SSC5D: variants seen among roughly 807,000 people sequenced by gnomAD.
The protein encoded by SSC5D is soluble scavenger receptor cysteine-rich domain-containing protein SSC5D.
Under a neutral mutation model 104.6 loss-of-function variants are expected in SSC5D, and 106 were observed. The observed-to-expected ratio is 1.01, with a 90% CI of 0.87 to 1.19. The LOEUF is 1.19. Among genes scored for constraint, SSC5D ranks in the 50% most tolerant of loss-of-function variants. The pLI is 0.00. For synonymous variants in SSC5D, 860 were observed against 883.5 expected (o/e 0.97, Z 0.47); for missense variants, 1,993 against 2,153.8 (o/e 0.93, Z 1.48).
At chr19:55,511,015 G>T (rs1246161746) in intron 12 of SSC5D, among the ~76,000 whole-genome samples, 1 of 152,078 alleles carries the variant, frequency 6.6e-6, no homozygotes, top group East Asian at 1.9e-4. Context: ...CTGACCTCAG[G>T]TGATCTGCCT....
rs1268620517 is a variant in SSC5D, at chr19:55,498,076, C to T, written c.1584C>T (p.Gly528=). Residue 528 remains glycine, a synonymous_variant, in exon 9 of 14, where the codon GGC becomes GGT. Transcript: ENST00000389623. ...CTGGCCGCTTTGGCTGGGGTGCGGG[C>T]CCCATCTGGCTAGATGATGTGGGCT... ...PAAGRFGWGA[G]PIWLDDVGCV... is the part of the protein sequence containing the mutation. 1 of 1,551,490 alleles carries T rather than the reference C, an allele frequency of 6.4e-7. No individual in the cohort carries two copies. The highest frequency in any genetic ancestry group is 8.7e-7 in the Non-Finnish European group (1 of 1,146,962).
intron 7 of SSC5D, 60 bp downstream of exon 7, chr19:55,493,972 C>G: frequency 5.6e-6 from 1 of 180,124 alleles, no homozygotes; most frequent in Non-Finnish European, 7.6e-6. Context: ...AGCGGAGGGG[C>G]AAGTTCGGCG....
In SSC5D at chr19:55,498,156, A is replaced by T; in HGVS notation, c.1664A>T (p.His555Leu). ...SDCPAAPWGK[H>L]NCAHNEDVGV... is the part of the protein sequence containing the mutation. The stretch of plus-strand genomic sequence containing the variant: ...TGCCCTGCTGCTCCCTGGGGAAAGC[A>T]CAACTGCGCTCACAATGAGGATGTT... The change falls in exon 9 of 14, where the codon CAC (histidine) becomes CTC (leucine). Residue 555 changes from histidine to leucine, a missense_variant. This residue lies in a region of SSC5D where 1,101 missense variants were observed against 1,085.0 expected (regional missense o/e 1.01). Coordinates refer to ENST00000389623, the MANE Select transcript of SSC5D (RefSeq NM_001144950.2). 1 of 1,551,748 alleles carries T rather than the reference A, an allele frequency of 6.4e-7. No individual in the cohort carries two copies. Among genetic ancestry groups the T allele is most frequent in the Non-Finnish European group, 8.7e-7 (1 of 1,146,998 alleles).
intron 12 of SSC5D, among the ~76,000 whole-genome samples, chr19:55,511,456 G>A (rs927953920): frequency 6.6e-6 from 1 of 152,162 alleles, no homozygotes. Context: ...AAGGGAATTC[G>A]GGGTGGGGGC....
At chr19:55,505,478 G>C (rs542517574) in intron 12 of SSC5D, among the ~76,000 whole-genome samples, 1 of 151,928 alleles carries the variant, frequency 6.6e-6, no homozygotes, top group Admixed American at 6.5e-5. Flanking sequence ...AAACAACGCA[G>C]ACTTATTATT....
At chr19:55,496,750 CTTTTTTTTTT>C (rs34304244) in intron 8 of SSC5D, among the ~76,000 whole-genome samples, 2 of 139,804 alleles carry the variant, frequency 1.4e-5, no homozygotes, top group African/African-American at 5.3e-5. Flanking sequence ...TTTTACCAGT[CTTTTTTTTTT>C]TTTTTTTTTA....
rs907795199 is a variant in SSC5D, at chr19:55,490,775, G to A, written c.590G>A (p.Arg197Gln). The A allele has an allele frequency of 1.1e-4, 175 of 1,529,378 alleles. No individual in the cohort carries two copies. The highest frequency in any genetic ancestry group is 9.5e-4 in the Middle Eastern group (5 of 5,256). 94.7% of individuals were successfully genotyped at this position (1,529,378 alleles called of 1,614,324 possible). The change falls in exon 6 of 14, where the codon CGG becomes CAG. Residue 197 changes from arginine to glutamine, a missense_variant. By Grantham distance (43) the Arg-to-Gln change is conservative. Coordinates refer to ENST00000389623, the MANE Select transcript of SSC5D (RefSeq NM_001144950.2). ...CCCCTCCCTGCTCACCCCACAGAGC[G>A]GCTGCGCCTGGTCTCTGGCCCCCAC... ...LLTTGAPRQE[R>Q]LRLVSGPHRC...
chr19:55,501,152 C>G lies in SSC5D; in HGVS notation c.2736C>G (p.Thr912=). Reference sequence around the variant, plus strand: ...GACACACTCTCCCCTGGAGGACCACCCGGCGCCCGGGTAGCTCCTCCCCAG... The same window carrying G: ...GACACACTCTCCCCTGGAGGACCACGCGGCGCCCGGGTAGCTCCTCCCCAG... ...VPGHTLPWRT[T]RRPGSSSPAI... The change falls in exon 12 of 14, where the codon ACC becomes ACG. Residue 912 remains threonine, a synonymous_variant. Transcript: ENST00000389623. 6.5e-7 allele frequency: 1 copy of G among 1,548,804 alleles called. No individual in the cohort carries two copies. Among genetic ancestry groups the G allele is most frequent in the Non-Finnish European group, 8.7e-7 (1 of 1,145,756 alleles).
intron 12 of SSC5D, chr19:55,504,103 A>C (rs1003581362): frequency 1.3e-6 from 2 of 1,535,140 alleles, no homozygotes; most frequent in Non-Finnish European, 8.7e-7. Flanking sequence ...TAGAGCTATC[A>C]TTCCGTTTCC....
chr19:55,492,685 G>C (rs952689453), intron 6 of SSC5D: 4 of 152,172 alleles, frequency 2.6e-5, no homozygotes, highest in African/African-American at 9.7e-5. Flanking sequence ...GGGACAGAGA[G>C]AGGGACTCCA....
Position 55,500,961 on chromosome 19 carries a change from G to C in SSC5D, c.2618-73G>C. The C allele has an allele frequency of 6.5e-7, 1 of 1,539,960 alleles. No individual in the cohort carries two copies. The highest frequency in any genetic ancestry group is 8.8e-7 in the Non-Finnish European group (1 of 1,138,872). On this transcript the variant is annotated intron_variant, in intron 11 of 13. Transcript: ENST00000389623. The surrounding 1 kb of genome is among the most constrained non-coding windows in gnomAD (Gnocchi z 4.6). ...AGAGTTGCTCCAGAAGATTCCAAAA[G>C]GGGAGGGAAGAGCAGCAGCAAGGAC...
rs538399416 is a variant in SSC5D at position 55,490,012 on chromosome 19, G to A, written c.475+17G>A. 2.2e-5 allele frequency: 33 copies of A among 1,529,982 alleles called. No homozygotes were observed. The highest frequency in any genetic ancestry group is 2.7e-5 in the Non-Finnish European group (31 of 1,133,454). 94.8% of individuals were successfully genotyped at this position (1,529,982 alleles called of 1,614,324 possible). A position where few individuals can be genotyped will look rare whatever the true frequency, so the allele number is the denominator to read the frequency against. On this transcript the variant is annotated intron_variant, in intron 4 of 13. Transcript: ENST00000389623. ...TGACACATGGTGAGCCCAGGGGACTGCCCTGCCAACCCCCACCCAGCGTGC... is the reference window on the plus strand; with the variant it reads ...TGACACATGGTGAGCCCAGGGGACTACCCTGCCAACCCCCACCCAGCGTGC...
rs1421604632 is a variant in SSC5D, at chr19:55,489,439, T to A, written c.138T>A (p.Asp46Glu). 5 of 1,490,016 alleles carry A rather than the reference T, an allele frequency of 3.4e-6. No individual in the cohort carries two copies. The highest frequency in any genetic ancestry group is 4.4e-6 in the Non-Finnish European group (5 of 1,127,310). The allele number at this position is 1,490,016 out of a possible 1,614,324, so 92.3% of individuals were successfully genotyped here. A position where few individuals can be genotyped will look rare whatever the true frequency, so the allele number is the denominator to read the frequency against. ...WHGGRWGTVC[D>E]DGWDLRDAAV... ...GCGGGCGCTGGGGCACCGTGTGTGA[T>A]GACGGCTGGGACCTGCGCGATGCCG... Residue 46 changes from aspartate (D) to glutamate (E), a missense_variant, in exon 3 of 14, where the codon GAT becomes GAA. Physicochemically the swap from Asp to Glu is conservative, Grantham distance 45 (BLOSUM62 2). Transcript: ENST00000389623.
At chr19:55,511,506 G>A (rs756449439) in intron 12 of SSC5D, among the ~76,000 whole-genome samples, 8 of 152,150 alleles carry the variant, frequency 5.3e-5, no homozygotes, top group African/African-American at 1.4e-4. Context: ...AAAAGCCTGC[G>A]CGTTGTGGTT....
Position 55,501,082 on chromosome 19 carries a change from C to G in SSC5D, c.2666C>G (p.Ser889Ter). The G allele has an allele frequency of 6.4e-7, 1 of 1,551,842 alleles. No homozygotes were observed. The highest frequency in any genetic ancestry group is 2.0e-5 in the Admixed American group (1 of 50,990). ...CCCCCCTGGACCTGGGACCCCACCT[C>G]AAGAGAGGACCTGGCCAAGGGGACT... ...DYPPWTWDPT[S>*]REDLAKGTTT... The change falls in exon 12 of 14, where the codon TCA becomes TGA. Residue 889 changes from serine (S) to a stop codon, truncating the protein, a stop_gained. Transcript: ENST00000389623. LOFTEE classifies it high-confidence loss of function.
chr19:55,515,888 C>A (rs1265550359), intron 13 of SSC5D, among the ~76,000 whole-genome samples: 2 of 152,170 alleles, frequency 1.3e-5, no homozygotes, highest in Non-Finnish European at 2.9e-5. Context: ...TGTGAGATTT[C>A]ATTGCCTAGA....
chr19:55,514,457 T>TC (rs1555767534), intron 13 of SSC5D, among the ~76,000 whole-genome samples: 10,382 of 132,462 alleles, frequency 0.078, 970 homozygotes, highest in East Asian at 0.12. Flanking sequence ...ATAATAATAA[T>TC]AGGTGTGGTG....
At chr19:55,499,634 C>T (rs1987416218) in intron 9 of SSC5D, among the ~76,000 whole-genome samples, 182 bp from the exon 10 acceptor site, 1 of 152,070 alleles carries the variant, frequency 6.6e-6, no homozygotes, top group Non-Finnish European at 1.5e-5. Flanking sequence ...CCATAGGCTA[C>T]CCGAGGGTCT....
intron 12 of SSC5D, among the ~76,000 whole-genome samples, chr19:55,505,674 C>T (rs1320714464): frequency 6.6e-6 from 1 of 151,734 alleles, no homozygotes; most frequent in Non-Finnish European, 1.5e-5. Context: ...AACATTGCAT[C>T]TCTCTGACCT....
Sources: gnomAD v4.1 joint callset for allele counts (sites outside exome capture counted in the v4.1 genomes callset) on GRCh38, gnomAD v4.1.1 for gene constraint, gnomAD v4.1.1 regional missense constraint, Gnocchi (gnomAD v3.1) non-coding constraint, MANE v1.5 for transcripts, NCBI Gene and HGNC (gene_info 2026-07-23, HGNC 2026-07-21) for gene names.